The following FXYD6 variants were observed in gnomAD, a reference collection of about 807,000 sequenced individuals.
FXYD6 encodes FXYD domain containing ion transport regulator 6, also known as FXYD domain-containing ion transport regulator 6.
In FXYD6, 7 loss-of-function variants were observed where a neutral mutation model predicts 16.7. The observed-to-expected ratio is 0.42, with a 90% CI of 0.24 to 0.79. FXYD6 has a LOEUF of 0.79. Among genes scored for constraint, FXYD6 ranks in the 30% least tolerant of loss-of-function variants. The pLI is 0.28. For missense variants in FXYD6, 111 were observed against 116.2 expected (o/e 0.95, Z 0.21); for synonymous variants, 49 against 43.0 (o/e 1.14, Z -0.54).
At chr11:117,861,112 G>A (rs1181735964) in intron 1 of FXYD6, among the ~76,000 whole-genome samples, 2 of 152,210 alleles carry the variant, frequency 1.3e-5, no homozygotes, top group Non-Finnish European at 2.9e-5. Context: ...CTAACAGCAT[G>A]CATCTCGGGA....
intron 1 of FXYD6, among the ~76,000 whole-genome samples, chr11:117,869,670 A>AAAGAAG (rs60207647): frequency 1.3e-5 from 2 of 151,604 alleles, no homozygotes; most frequent in Admixed American, 6.6e-5. Context: ...GACAGAGGAA[A>AAAGAAG]AAGAAGAAGA....
chr11:117,844,585 C>G (rs985842848), intron 1 of FXYD6, among the ~76,000 whole-genome samples: 3 of 152,042 alleles, frequency 2.0e-5, no homozygotes, highest in African/African-American at 7.2e-5. Context: ...ACTTCCACCT[C>G]CCGGGTTCAA....
In FXYD6 at chr11:117,870,330, C is replaced by G. The variant is rs2057108257; in HGVS notation, c.-6+6262G>C. Among the ~76,000 whole-genome samples, 1 of 152,148 alleles carries G rather than the reference C, an allele frequency of 6.6e-6. No individual in the cohort carries two copies. The highest frequency in any genetic ancestry group is 2.4e-5 in the African/African-American group (1 of 41,462). On this transcript the variant is annotated intron_variant, in intron 1 of 7. Transcript: ENST00000526014. This position sits in a 1 kb window ranked among gnomAD's most constrained non-coding sequence, Gnocchi z 4.2. ...AGCCACAGGCTGGGGCCCCAGCAGGCTGCACGCCCCAGCAGGGCGTGATGG... is the reference window on the plus strand; with the variant it reads ...AGCCACAGGCTGGGGCCCCAGCAGGGTGCACGCCCCAGCAGGGCGTGATGG...
intron 1 of FXYD6, among the ~76,000 whole-genome samples, chr11:117,871,265 G>A (rs954134518): frequency 1.1e-4 from 17 of 152,198 alleles, no homozygotes; most frequent in East Asian, 5.8e-4. Flanking sequence ...TTGGGAACGC[G>A]TGGTGTGCAC....
chr11:117,840,747 G>C (rs1303491946), intron 5 of FXYD6, among the ~76,000 whole-genome samples: 1 of 152,054 alleles, frequency 6.6e-6, no homozygotes, highest in African/African-American at 2.4e-5. Flanking sequence ...TGTCTATTCA[G>C]CTCAAAGAGC....
Position 117,840,326 on chromosome 11 carries a change from G to T in FXYD6, c.252C>A (p.Thr84=). The T allele has an allele frequency of 6.2e-6, 10 of 1,614,134 alleles. No individual in the cohort carries two copies. Among genetic ancestry groups the T allele is most frequent in the Non-Finnish European group, 8.5e-6 (10 of 1,180,022 alleles). ...DEEAQVENLI[T]ANATEPQKAE... The stretch of plus-strand genomic sequence containing the variant: ...GTGGTCACGGACAGTTACCATTGGC[G>T]GTGATGAGGTTCTCCACCTGGGCTT... The change falls in exon 6 of 8, where the codon ACC becomes ACA. Residue 84 remains threonine, a synonymous_variant. Coordinates refer to ENST00000526014, the MANE Select transcript of FXYD6 (RefSeq NM_022003.4).
At chr11:117,842,510 G>T (rs2056372709) in intron 2 of FXYD6, among the ~76,000 whole-genome samples, 1 of 152,184 alleles carries the variant, frequency 6.6e-6, no homozygotes, top group African/African-American at 2.4e-5. Context: ...CCCTTAGGGG[G>T]CGAGGGGGCA....
chr11:117,858,682 T>C (rs2056809627), intron 1 of FXYD6, among the ~76,000 whole-genome samples: 1 of 89,034 alleles, frequency 1.1e-5, no homozygotes, highest in Non-Finnish European at 2.1e-5. Context: ...TTTCTTTCTT[T>C]CTTTCTTTCT....
At chr11:117,871,913 G>A (rs1416939652) in intron 1 of FXYD6, among the ~76,000 whole-genome samples, 2 of 152,194 alleles carry the variant, frequency 1.3e-5, no homozygotes, top group Admixed American at 6.5e-5. Context: ...TTCCAGCAAC[G>A]GCTTGAGCTC....
chr11:117,858,701 T>TTCTTTCTC (rs781138003), intron 1 of FXYD6, among the ~76,000 whole-genome samples: 11 of 58,334 alleles, frequency 1.9e-4, no homozygotes, highest in African/African-American at 8.2e-4. Flanking sequence ...CTTTCTTTCT[T>TTCTTTCTC]TCTCTCTCTC....
intron 1 of FXYD6, among the ~76,000 whole-genome samples, chr11:117,867,369 A>G (rs479914): frequency 6.6e-6 from 1 of 152,270 alleles, no homozygotes; most frequent in Admixed American, 6.5e-5. Context: ...CATCTGTGGC[A>G]AAGTCCTAGC....
intron 1 of FXYD6, among the ~76,000 whole-genome samples, chr11:117,863,720 A>G (rs2056956817): frequency 1.3e-5 from 2 of 152,206 alleles, no homozygotes; most frequent in Admixed American, 1.3e-4. Context: ...AGAAAACCCT[A>G]AAGATCACAC....
At chr11:117,838,432 G>A (rs2056250612) in intron 7 of FXYD6, among the ~76,000 whole-genome samples, 155 bp from the exon 8 acceptor site, 1 of 152,182 alleles carries the variant, frequency 6.6e-6, no homozygotes, top group East Asian at 1.9e-4. Context: ...CAGGGGAGGG[G>A]TGAACCTCAG....
chr11:117,842,116 C>T, intron 2 of FXYD6, 88 bp from the exon 3 acceptor site: 1 of 1,592,770 alleles, frequency 6.3e-7, no homozygotes, highest in Non-Finnish European at 8.6e-7. Flanking sequence ...CCTCAGTCTC[C>T]ACAAAGGAAT....
chr11:117,846,768 A>C (rs2056479943), intron 1 of FXYD6, among the ~76,000 whole-genome samples: 2 of 152,190 alleles, frequency 1.3e-5, no homozygotes, highest in Non-Finnish European at 2.9e-5. Flanking sequence ...TTCAATTATG[A>C]TAGCTTCATA....
intron 1 of FXYD6, among the ~76,000 whole-genome samples, chr11:117,851,178 C>T (rs2056602775): frequency 6.6e-6 from 1 of 152,198 alleles, no homozygotes; most frequent in African/African-American, 2.4e-5. Flanking sequence ...CAGTCCCCTC[C>T]CACACTGCAC....
In FXYD6 at chr11:117,847,993, G is replaced by A. The variant is rs569579285; in HGVS notation, c.-5-5212C>T. 1.2e-3 allele frequency among the ~76,000 whole-genome samples: 182 copies of A among 152,266 alleles called. 3 individuals carry two copies. The highest frequency in any genetic ancestry group is 4.2e-3 in the African/African-American group (175 of 41,542). ...TACAGTCCCACCAACAGTGTAAAAT[G>A]TTCCTATTTCTCCATATCCTCTCCA... On this transcript the variant is annotated intron_variant, in intron 1 of 7. Coordinates refer to ENST00000526014, the MANE Select transcript of FXYD6 (RefSeq NM_022003.4).
At chr11:117,868,804 A>G (rs2057066902) in intron 1 of FXYD6, 1 of 152,218 alleles carries the variant, frequency 6.6e-6, no homozygotes, top group Non-Finnish European at 1.5e-5. Context: ...TAACTGTTCT[A>G]AAAAGATAGT....
intron 4 of FXYD6, 104 bp downstream of exon 4, chr11:117,841,687 C>T (rs1232355059): frequency 7.4e-7 from 1 of 1,350,580 alleles, no homozygotes. Context: ...AGGCAGCCTC[C>T]TTTCCTCTCC....
Sources: allele counts gnomAD v4.1 joint callset (sites outside exome capture counted in the v4.1 genomes callset), GRCh38; gene constraint gnomAD v4.1.1; non-coding constraint Gnocchi (gnomAD v3.1); transcripts MANE v1.5; gene names NCBI Gene and HGNC (gene_info 2026-07-23, HGNC 2026-07-21).